PCSK6: variants seen among roughly 807,000 people sequenced by gnomAD.
The protein encoded by PCSK6 is paired basic amino acid cleaving enzyme 4.
Under a neutral mutation model 123.3 loss-of-function variants are expected in PCSK6, and 85 were observed. The observed-to-expected ratio is 0.69, with a 90% CI of 0.58 to 0.83. PCSK6 has a LOEUF of 0.83. PCSK6 is among the 40% of genes least tolerant of loss of function. PCSK6 has a pLI of 0.00. For missense variants in PCSK6, 1,191 were observed against 1,282.3 expected (o/e 0.93, Z 1.09); for synonymous variants, 508 against 516.0 (o/e 0.98, Z 0.21).
intron 2 of PCSK6, among the ~76,000 whole-genome samples, chr15:101,440,057 T>TA (rs1335717742): frequency 2.6e-5 from 4 of 152,218 alleles, no homozygotes; most frequent in African/African-American, 7.2e-5. Flanking sequence ...CAAGTAATTT[T>TA]AAAAAAATTT....
chr15:101,459,878 C>A (rs1437271189), intron 1 of PCSK6, among the ~76,000 whole-genome samples: 2 of 152,096 alleles, frequency 1.3e-5, no homozygotes, highest in Non-Finnish European at 2.9e-5. Context: ...CCCCCACCTT[C>A]TGAAACATTT....
chr15:101,393,169 G>A, intron 8 of PCSK6, 43 bp downstream of exon 8: 1 of 1,425,190 alleles, frequency 7.0e-7, no homozygotes, highest in South Asian at 1.2e-5. Flanking sequence ...CCAGAGGGCT[G>A]AGGCACTCAC....
intron 11 of PCSK6, among the ~76,000 whole-genome samples, chr15:101,375,794 A>G (rs2041719150): frequency 6.6e-6 from 1 of 152,138 alleles, no homozygotes; most frequent in African/African-American, 2.4e-5. Flanking sequence ...CAGCACTTTG[A>G]GAGGCTGAGG....
intron 13 of PCSK6, among the ~76,000 whole-genome samples, chr15:101,360,763 T>C (rs1178157332): frequency 6.6e-6 from 1 of 152,124 alleles, no homozygotes; most frequent in East Asian, 1.9e-4. Flanking sequence ...AATGCCCTTT[T>C]CCCAGATGTC....
rs200267838 is a variant in PCSK6, at chr15:101,408,829, AT to A, written c.824-10254del. Among the ~76,000 whole-genome samples the A allele has an allele frequency of 3.9e-3, 598 of 152,324 alleles. 20 individuals carry two copies. The highest frequency in any genetic ancestry group is 0.036 in the Admixed American group (550 of 15,306). ...AATTCTGTGACTCAGAATTAACATA[AT>A]TAACCAATTTATGGGCATGGATTAA... On this transcript the variant is annotated intron_variant, in intron 6 of 21. Transcript: ENST00000611716.
chr15:101,376,333 C>G (rs965756810), intron 11 of PCSK6, among the ~76,000 whole-genome samples: 4 of 152,148 alleles, frequency 2.6e-5, no homozygotes, highest in African/African-American at 7.2e-5. Context: ...TAGTGTCAAA[C>G]AGCATGAGAA....
intron 6 of PCSK6, among the ~76,000 whole-genome samples, chr15:101,422,777 G>A (rs551962166): frequency 0.02 from 3,073 of 152,128 alleles, 59 homozygotes; most frequent in Non-Finnish European, 0.026. Flanking sequence ...GCCCGCCACC[G>A]CGCCCGGCTA....
intron 13 of PCSK6, among the ~76,000 whole-genome samples, chr15:101,352,050 T>G (rs2040903833): frequency 1.3e-5 from 2 of 151,950 alleles, no homozygotes; most frequent in African/African-American, 4.8e-5. Context: ...ACAGAAAAAG[T>G]TTTCCAACCC....
intron 11 of PCSK6, among the ~76,000 whole-genome samples, chr15:101,377,738 C>T (rs1438226910): frequency 6.6e-6 from 1 of 152,196 alleles, no homozygotes; most frequent in Non-Finnish European, 1.5e-5. Context: ...TCCTGAACAT[C>T]TATAAAAAGA....
At chr15:101,324,543 T>C (rs1338659340) in intron 17 of PCSK6, among the ~76,000 whole-genome samples, 4 of 152,214 alleles carry the variant, frequency 2.6e-5, no homozygotes, top group Non-Finnish European at 5.9e-5. Flanking sequence ...CCTAGCCACC[T>C]CTCTGCCCTT....
chr15:101,445,973 G>A (rs972892921), intron 1 of PCSK6, among the ~76,000 whole-genome samples: 6 of 152,182 alleles, frequency 3.9e-5, no homozygotes, highest in African/African-American at 9.7e-5. Flanking sequence ...CCCCGGGGCC[G>A]CCATGACTGT....
chr15:101,431,233 CG>C (rs1222825527), intron 4 of PCSK6, 86 bp downstream of exon 4: 6 of 1,390,480 alleles, frequency 4.3e-6, no homozygotes, highest in Non-Finnish European at 6.1e-6. Flanking sequence ...TGGGGGAGAT[CG>C]GGACCTTACT....
At chr15:101,401,739 A>G (rs2042594316) in intron 6 of PCSK6, among the ~76,000 whole-genome samples, 3 of 152,230 alleles carry the variant, frequency 2.0e-5, no homozygotes, top group Non-Finnish European at 1.5e-5. Context: ...GCACACAGTA[A>G]GCATTCAACG....
In PCSK6 at chr15:101,370,375, C is replaced by T. The variant is rs557556723; in HGVS notation, c.1681G>A (p.Val561Ile). ...PRRGDLQIYL[V>I]SPSGTKSQLL... ...TGAGACTTGGTTCCCGAGGGAGAAA[C>T]CAGGTAGATCTGGAGGTCTCCTCGG... The change falls in exon 12 of 22, where the codon GTT (valine) becomes ATT (isoleucine). Residue 561 changes from valine to isoleucine, a missense_variant. Val to Ile is a conservative substitution (Grantham distance 29). Transcript: ENST00000611716. 1.7e-5 allele frequency: 26 copies of T among 1,553,952 alleles called. No individual in the cohort carries two copies. The South Asian group carries it at 3.1e-4, about 19-fold the overall frequency.
Position 101,350,978 on chromosome 15 carries a change from A to G in PCSK6, c.1858+15218T>C, listed in dbSNP as rs575969582. Among the ~76,000 whole-genome samples, 6 of 152,352 alleles carry G rather than the reference A, an allele frequency of 3.9e-5. No homozygotes were observed. In the South Asian group the frequency reaches 1.2e-3, roughly 32 times the overall value. On this transcript the variant is annotated intron_variant, in intron 13 of 21. Transcript: ENST00000611716. ...AGAAGCTTACAATTGAATAAATTAT[A>G]CTAAAAACAAAGGTAATGAATATTC...
At chr15:101,338,361 C>T (rs970598501) in intron 13 of PCSK6, among the ~76,000 whole-genome samples, 2 of 149,320 alleles carry the variant, frequency 1.3e-5, no homozygotes, top group Non-Finnish European at 2.9e-5. Flanking sequence ...TCCACAGTGT[C>T]GGCCCCCCAC....
intron 12 of PCSK6, among the ~76,000 whole-genome samples, chr15:101,366,769 G>A (rs1422560275): frequency 6.6e-6 from 1 of 152,306 alleles, no homozygotes; most frequent in African/African-American, 2.4e-5. Flanking sequence ...TCCCCCTGGG[G>A]TACCTTCACC....
intron 12 of PCSK6, 113 bp from the exon 13 acceptor site, chr15:101,366,445 C>T: frequency 1.2e-5 from 13 of 1,126,900 alleles, no homozygotes; most frequent in Non-Finnish European, 1.6e-5. Context: ...TGGACCGTAC[C>T]CCCAGGGTAG....
intron 1 of PCSK6, among the ~76,000 whole-genome samples, chr15:101,467,436 T>TA (rs2057491082): frequency 6.7e-6 from 1 of 149,174 alleles, no homozygotes; most frequent in Non-Finnish European, 1.5e-5. Context: ...CACACCCAGC[T>TA]AATTTTTTGT....
Sources: allele counts gnomAD v4.1 joint callset (sites outside exome capture counted in the v4.1 genomes callset), GRCh38; gene constraint gnomAD v4.1.1; transcripts MANE v1.5; gene names NCBI Gene and HGNC (gene_info 2026-07-23, HGNC 2026-07-21).